ADAMTSL1: variants seen among roughly 807,000 people sequenced by gnomAD.
The protein encoded by ADAMTSL1 is ADAMTS like 1, also known as ADAMTS-like protein 1.
In ADAMTSL1, 126 loss-of-function variants were observed where a neutral mutation model predicts 201.8. The ratio of observed to expected loss-of-function variants is 0.62; its 90% CI spans 0.54 to 0.72. ADAMTSL1 has a LOEUF of 0.72. Ranked by LOEUF, ADAMTSL1 falls within the 30% of genes least tolerant of loss-of-function variation. The probability of loss-of-function intolerance (pLI) is 0.00; values close to 1 mark genes in which losing one functional copy is unlikely to be tolerated. For missense variants in ADAMTSL1, 2,679 were observed against 2,277.8 expected, an observed-to-expected ratio of 1.18 and a Z score of -3.59; for synonymous variants, 1,121 against 903.4, an observed-to-expected ratio of 1.24 and a Z score of -4.32.
chr9:17,988,307 T>C (rs1819007483), intron 1 of ADAMTSL1, among the ~76,000 whole-genome samples: 1 of 152,116 alleles, frequency 6.6e-6, no homozygotes, highest in African/African-American at 2.4e-5. Context: ...TTACTCTCTA[T>C]TGACCTTATT....
chr9:18,186,237 T>C (rs1295690715), intron 2 of ADAMTSL1, among the ~76,000 whole-genome samples: 4 of 152,162 alleles, frequency 2.6e-5, no homozygotes, highest in Non-Finnish European at 5.9e-5. Context: ...GAGGAAGAGA[T>C]CTTCTTGGTC....
In ADAMTSL1 at chr9:18,354,710, G is replaced by A. The variant is rs145336323; in HGVS notation, c.208-150119G>A. On this transcript the variant is annotated intron_variant, in intron 2 of 29. Transcript: ENST00000680146. ...GGGTCAGGCGTGGTGGCTCACACCT[G>A]TAGTCCCAGCACTTTGGAAGGCTGA... 6.2e-4 allele frequency among the ~76,000 whole-genome samples: 94 copies of A among 152,304 alleles called. No individual in the cohort carries two copies. The East Asian group carries it at 0.017, about 28-fold the overall frequency.
At chr9:18,894,234 C>G (rs1829470812) in intron 26 of ADAMTSL1, among the ~76,000 whole-genome samples, 1 of 152,176 alleles carries the variant, frequency 6.6e-6, no homozygotes, top group African/African-American at 2.4e-5. Context: ...CCGGTAATCT[C>G]AGCTACTCAG....
chr9:18,784,847 C>T lies in ADAMTSL1; in HGVS notation c.3677+6941C>T, dbSNP rs114804556. ...GAAGCACGGAGATGTTAGATTAACT[C>T]GCTCAAAGTCTCTCACTTAAAAAGT... is the stretch of plus-strand genomic sequence containing the variant. On this transcript the variant is annotated intron_variant, in intron 19 of 28. Transcript: ENST00000380548. Among the ~76,000 whole-genome samples, 20 of 152,274 alleles carry T rather than the reference C, an allele frequency of 1.3e-4. No individual in the cohort carries two copies. The East Asian group carries it at 3.7e-3, about 28-fold the overall frequency.
In ADAMTSL1 at chr9:18,826,336, C is replaced by G; in HGVS notation, c.3987C>G (p.Ser1329=). 1.2e-6 allele frequency: 2 copies of G among 1,613,622 alleles called. No homozygotes were observed. Among genetic ancestry groups the G allele is most frequent in the Middle Eastern group, 1.6e-4 (1 of 6,062 alleles). The part of the protein sequence containing the change: ...TWFRNKSKLG[S]PHHLHEGSLL... ...TCAGGAATAAAAGCAAACTGGGCTC[C>G]CCGCACCATCTGCACGAAGGCTCCT... The change falls in exon 22 of 29, where the codon TCC becomes TCG. Residue 1329 remains serine, a synonymous_variant. Coordinates refer to ENST00000380548, the MANE Select transcript of ADAMTSL1 (RefSeq NM_001040272.6).
chr9:18,343,904 TC>T (rs1345838777), intron 2 of ADAMTSL1, among the ~76,000 whole-genome samples: 1 of 152,038 alleles, frequency 6.6e-6, no homozygotes, highest in Non-Finnish European at 1.5e-5. Context: ...TAAGCATGCT[TC>T]CCCAGGAAGC....
chr9:18,692,409 G>A (rs145087409), intron 13 of ADAMTSL1, among the ~76,000 whole-genome samples: 1 of 151,226 alleles, frequency 6.6e-6, no homozygotes, highest in African/African-American at 2.4e-5. Context: ...AAATTTATCA[G>A]TCCCTCCCTC....
chr9:18,861,935 T>C lies in ADAMTSL1; in HGVS notation c.4250-25896T>C, dbSNP rs574138611. On this transcript the variant is annotated intron_variant, in intron 23 of 28. Coordinates refer to ENST00000380548, the MANE Select transcript of ADAMTSL1 (RefSeq NM_001040272.6). ...CACATTGTTTGTTATTTTCTTTCCTTTGTTGAGAAGTTTCTGGAGCCTCAA... is the reference window on the plus strand; with the variant it reads ...CACATTGTTTGTTATTTTCTTTCCTCTGTTGAGAAGTTTCTGGAGCCTCAA... Among the ~76,000 whole-genome samples, 3 of 152,246 alleles carry C rather than the reference T, an allele frequency of 2.0e-5. No homozygotes were observed. In the East Asian group the frequency reaches 5.8e-4, roughly 29 times the overall value.
chr9:17,937,647 T>TAAAGTA (rs371220953), intron 1 of ADAMTSL1, among the ~76,000 whole-genome samples: 2,512 of 151,564 alleles, frequency 0.017, 32 homozygotes, highest in Middle Eastern at 0.082. Context: ...TTAAATTCCT[T>TAAAGTA]AAATACTAAG....
At chr9:18,646,273 C>T (rs1354588855) in intron 7 of ADAMTSL1, among the ~76,000 whole-genome samples, 8 of 152,088 alleles carry the variant, frequency 5.3e-5, no homozygotes, top group Non-Finnish European at 1.2e-4. Flanking sequence ...TGCTTATCAG[C>T]TTAAGGAGAT....
Position 18,271,862 on chromosome 9 carries a change from G to A in ADAMTSL1, c.207+107881G>A, listed in dbSNP as rs577226181. ...GTTGTTTCCTGACTCTTTAATGATC[G>A]CCATTCTAACTGGTGTGAGATGGTA... is the stretch of plus-strand genomic sequence containing the variant. On this transcript the variant is annotated intron_variant, in intron 2 of 29. Coordinates refer to the ADAMTSL1 transcript ENST00000680146. Among the ~76,000 whole-genome samples, 1,504 of 151,940 alleles carry A rather than the reference G, an allele frequency of 9.9e-3. 14 individuals carry two copies. The highest frequency in any genetic ancestry group is 0.024 in the Middle Eastern group (7 of 294).
chr9:18,439,904 T>A (rs1819922185), intron 2 of ADAMTSL1, among the ~76,000 whole-genome samples: 1 of 152,216 alleles, frequency 6.6e-6, no homozygotes. Context: ...GGTTGACTCC[T>A]GATTCCTCGT....
chr9:18,108,916 G>A (rs531582916), intron 1 of ADAMTSL1, among the ~76,000 whole-genome samples: 6 of 152,190 alleles, frequency 3.9e-5, no homozygotes, highest in East Asian at 1.9e-4. Context: ...TTGTGTACAA[G>A]GTAGGGAGGG....
At chr9:18,411,806 T>C (rs1279796644) in intron 2 of ADAMTSL1, among the ~76,000 whole-genome samples, 1 of 152,208 alleles carries the variant, frequency 6.6e-6, no homozygotes, top group Non-Finnish European at 1.5e-5. Context: ...TTTTAGAATA[T>C]GTAGCAGCCA....
intron 2 of ADAMTSL1, among the ~76,000 whole-genome samples, chr9:18,512,237 G>C (rs577641437): frequency 2.0e-5 from 3 of 152,084 alleles, no homozygotes; most frequent in Admixed American, 2.0e-4. Flanking sequence ...TCTTAGGGGG[G>C]TGTATTGTTC....
chr9:18,828,660 T>TTTTTATA (rs10685537), intron 22 of ADAMTSL1, among the ~76,000 whole-genome samples: 11 of 28,540 alleles, frequency 3.9e-4, no homozygotes, highest in African/African-American at 5.9e-4. Context: ...GAAAGTATAT[T>TTTTTATA]TATATATATA....
chr9:18,278,812 T>C (rs1832682198), intron 2 of ADAMTSL1, among the ~76,000 whole-genome samples: 1 of 152,190 alleles, frequency 6.6e-6, no homozygotes, highest in South Asian at 2.1e-4. Flanking sequence ...CTTAGTGGTG[T>C]CTCATAAGTT....
intron 1 of ADAMTSL1, among the ~76,000 whole-genome samples, chr9:17,940,802 A>AAC (rs796516368): frequency 1.2e-4 from 6 of 50,788 alleles, no homozygotes; most frequent in East Asian, 1.3e-3. Context: ...AGTAAATAAC[A>AAC]CCCCCCCCCC....
chr9:18,531,257 C>G (rs1325574249), intron 2 of ADAMTSL1, among the ~76,000 whole-genome samples: 1 of 152,174 alleles, frequency 6.6e-6, no homozygotes, highest in Non-Finnish European at 1.5e-5. Flanking sequence ...AAATCCAGAT[C>G]ACTCTTGGCA....
Sources: gnomAD v4.1 joint callset for allele counts (sites outside exome capture counted in the v4.1 genomes callset) on GRCh38, gnomAD v4.1.1 for gene constraint, MANE v1.5 for transcripts, NCBI Gene and HGNC (gene_info 2026-07-23, HGNC 2026-07-21) for gene names.